The following NMT2 variants were observed in gnomAD, a reference collection of about 807,000 sequenced individuals.
NMT2 encodes N-myristoyltransferase 2.
Under a neutral mutation model 65.4 loss-of-function variants are expected in NMT2, and 35 were observed. The observed-to-expected ratio is 0.54, with a 90% CI of 0.41 to 0.71. The LOEUF (loss-of-function observed/expected upper bound fraction) is 0.71, where lower values mean the gene tolerates loss of function less well. Ranked by LOEUF, NMT2 falls within the 30% of genes least tolerant of loss-of-function variation. The pLI, the probability that NMT2 is intolerant of heterozygous loss-of-function variation, is 0.00. For synonymous variants in NMT2, 226 were observed against 231.8 expected, an observed-to-expected ratio of 0.98 and a Z score of 0.23; for missense variants, 489 against 611.3, an observed-to-expected ratio of 0.80 and a Z score of 2.11.
At chr10:15,140,442 T>G (rs1040704192) in intron 2 of NMT2, among the ~76,000 whole-genome samples, 2 of 148,996 alleles carry the variant, frequency 1.3e-5, no homozygotes, top group African/African-American at 5.0e-5. Flanking sequence ...ATAATTTATT[T>G]GTAGGTACGA....
At chr10:15,165,974 A>G (rs1833366033) in intron 1 of NMT2, among the ~76,000 whole-genome samples, 1 of 152,194 alleles carries the variant, frequency 6.6e-6, no homozygotes, top group African/African-American at 2.4e-5. Flanking sequence ...TTTTAATTAA[A>G]CATAAAACAT....
At chr10:15,156,844 C>T (rs376362052) in intron 1 of NMT2, among the ~76,000 whole-genome samples, 110 of 151,700 alleles carry the variant, frequency 7.3e-4, no homozygotes, top group East Asian at 5.0e-3. Context: ...TGCAGTGAGC[C>T]GAGATTGCGC....
chr10:15,109,451 A>C (rs1008451055), intron 11 of NMT2, among the ~76,000 whole-genome samples: 3 of 152,058 alleles, frequency 2.0e-5, no homozygotes. Context: ...GGTGGATGTA[A>C]TCCCAGCTAC....
chr10:15,129,938 C>G (rs901597578), intron 7 of NMT2, among the ~76,000 whole-genome samples: 1 of 148,502 alleles, frequency 6.7e-6, no homozygotes, highest in African/African-American at 2.5e-5. Context: ...AAGTATAGAT[C>G]CAGCATCATT....
At chr10:15,155,000 C>G (rs201082083) in intron 1 of NMT2, 2 of 1,185,382 alleles carry the variant, frequency 1.7e-6, no homozygotes, top group Non-Finnish European at 2.5e-6. Context: ...TTGCCATGGA[C>G]AAGATGCCAG....
intron 3 of NMT2, among the ~76,000 whole-genome samples, chr10:15,134,361 G>A (rs1345779542): frequency 1.3e-5 from 2 of 152,314 alleles, no homozygotes; most frequent in South Asian, 4.1e-4. Flanking sequence ...ACCGGGGCAG[G>A]CCTCAGCTCA....
intron 8 of NMT2, among the ~76,000 whole-genome samples, chr10:15,122,721 C>T (rs923052181): frequency 1.2e-4 from 18 of 152,078 alleles, no homozygotes; most frequent in East Asian, 1.9e-4. Context: ...ACCTGGCCTA[C>T]GCTGTTAATA....
intron 10 of NMT2, among the ~76,000 whole-genome samples, chr10:15,111,385 C>T (rs1394765322): frequency 6.6e-6 from 1 of 151,410 alleles, no homozygotes; most frequent in Non-Finnish European, 1.5e-5. Context: ...GTGGCACACA[C>T]CTATAGTCCC....
In NMT2 at chr10:15,113,549, G is replaced by A. The variant is rs114153038; in HGVS notation, c.1171-586C>T. Among the ~76,000 whole-genome samples the A allele has an allele frequency of 7.0e-3, 1,044 of 149,896 alleles. 15 individuals carry two copies. The highest frequency in any genetic ancestry group is 0.025 in the African/African-American group (999 of 40,704). On this transcript the variant is annotated intron_variant, in intron 9 of 11. Transcript: ENST00000378165. The stretch of plus-strand genomic sequence containing the variant: ...AAGCTTCCCTCAGGCTGACAAATGA[G>A]TCAATTCTTTAGACTAAGGGAACAG...
intron 9 of NMT2, among the ~76,000 whole-genome samples, chr10:15,116,986 TA>T (rs2131491547): frequency 6.6e-6 from 1 of 152,278 alleles, no homozygotes; most frequent in South Asian, 2.1e-4. Flanking sequence ...AACAAACATT[TA>T]AAGAATTAAC....
rs1008853198 is a variant in NMT2 at position 15,108,261 on chromosome 10, C to T, written c.*934G>A. On this transcript the variant is annotated 3_prime_UTR_variant, in exon 12 of 12. Transcript: ENST00000378165. ...GGAGTGCAGTGGCTCGATCTCGGCTCACTGCAACCTCACCTCTCAGGTTCA... is the reference window on the plus strand; with the variant it reads ...GGAGTGCAGTGGCTCGATCTCGGCTTACTGCAACCTCACCTCTCAGGTTCA... 1 of 836,400 alleles carries T rather than the reference C, an allele frequency of 1.2e-6. No individual in the cohort carries two copies. The highest frequency in any genetic ancestry group is 1.4e-6 in the Non-Finnish European group (1 of 695,028). 51.8% of individuals were successfully genotyped at this position (836,400 alleles called of 1,614,324 possible). A position where few individuals can be genotyped will look rare whatever the true frequency, so the allele number is the denominator to read the frequency against.
At chr10:15,166,245 G>GCA (rs1833375074) in intron 1 of NMT2, among the ~76,000 whole-genome samples, 1 of 152,120 alleles carries the variant, frequency 6.6e-6, no homozygotes, top group Non-Finnish European at 1.5e-5. Context: ...GGCCACAAGG[G>GCA]CACTATTCAG....
rs150584952 is a variant in NMT2, at chr10:15,154,864, G to A, written c.111-13307C>T. 634 of 791,632 alleles carry A rather than the reference G, an allele frequency of 8.0e-4. 7 individuals carry two copies. Among genetic ancestry groups the A allele is most frequent in the South Asian group, 7.1e-3 (532 of 75,420 alleles). 49.0% of individuals were successfully genotyped at this position (791,632 alleles called of 1,614,324 possible). On this transcript the variant is annotated intron_variant, in intron 1 of 11. Coordinates refer to ENST00000378165, the MANE Select transcript of NMT2 (RefSeq NM_004808.3). ...CTCTTGCCATTCTTGGACCCATAGC[G>A]CTTCATGGCCTCCACAATCTTGATG... is the stretch of plus-strand genomic sequence containing the variant.
chr10:15,109,939 T>C (rs1167607184), intron 10 of NMT2, 100 bp from the exon 11 acceptor site: 1 of 965,414 alleles, frequency 1.0e-6, no homozygotes, highest in Non-Finnish European at 1.5e-6. Flanking sequence ...CGAATATGCA[T>C]TTCTAATAGG....
chr10:15,135,948 C>T (rs1025689323), intron 2 of NMT2, among the ~76,000 whole-genome samples: 3 of 150,856 alleles, frequency 2.0e-5, no homozygotes, highest in African/African-American at 7.3e-5. Context: ...GAGAGAGGAT[C>T]GGCAGTGGTG....
intron 1 of NMT2, among the ~76,000 whole-genome samples, chr10:15,157,612 A>G (rs550068428): frequency 6.6e-6 from 1 of 152,322 alleles, no homozygotes; most frequent in African/African-American, 2.4e-5. Context: ...CCATGAAAGA[A>G]GCAAAAAAGA....
chr10:15,154,417 A>C (rs570529860), intron 1 of NMT2, among the ~76,000 whole-genome samples: 4 of 152,346 alleles, frequency 2.6e-5, no homozygotes, highest in Non-Finnish European at 2.9e-5. Context: ...GTTCCTTTCA[A>C]ATGACAACAG....
chr10:15,168,175 C>G lies in NMT2; in HGVS notation c.110+328G>C, dbSNP rs568860445. Among the ~76,000 whole-genome samples, 4 of 152,284 alleles carry G rather than the reference C, an allele frequency of 2.6e-5. No individual in the cohort carries two copies. In the East Asian group the frequency reaches 7.8e-4, roughly 30 times the overall value. The stretch of plus-strand genomic sequence containing the variant: ...CTCTCCTCGGCGCCCACCGGAGCCA[C>G]CCGCGGGCGAGGGCAACAGGCGCCT... On this transcript the variant is annotated intron_variant, in intron 1 of 11. Transcript: ENST00000378165.
rs746678432 is a variant in NMT2 at position 15,135,288 on chromosome 10, G to C, written c.377C>G (p.Pro126Arg). 1.2e-6 allele frequency: 2 copies of C among 1,613,872 alleles called. No individual in the cohort carries two copies. Among genetic ancestry groups the C allele is most frequent in the Non-Finnish European group, 1.7e-6 (2 of 1,180,008 alleles). Residue 126 changes from proline (P) to arginine (R), a missense_variant, in exon 3 of 12, where the codon CCG becomes CGG. Pro to Arg is a moderately radical substitution (Grantham distance 103). Transcript: ENST00000378165. ...KHRYQFWDTQ[P>R]VPKLDEVITS... ...GAAAAACTTACCTAGTTTTGGTACC[G>C]GTTGTGTGTCCCAAAACTGGTATCT...
Sources: gnomAD v4.1 joint callset for allele counts (sites outside exome capture counted in the v4.1 genomes callset) on GRCh38, gnomAD v4.1.1 for gene constraint, MANE v1.5 for transcripts, NCBI Gene and HGNC (gene_info 2026-07-23, HGNC 2026-07-21) for gene names.